UBE2E3: variants seen among roughly 807,000 people sequenced by gnomAD.
The protein encoded by UBE2E3 is ubiquitin conjugating enzyme E2 E3, also known as ubiquitin-conjugating enzyme E2 E3.
UBE2E3 carries 5 observed loss-of-function variants against 23.6 expected under a neutral mutation model. The ratio of observed to expected loss-of-function variants is 0.21; its 90% CI spans 0.11 to 0.44. UBE2E3 has a LOEUF of 0.44. UBE2E3 is among the 20% of genes least tolerant of loss of function. The pLI is 0.99. For missense variants in UBE2E3, 81 were observed against 249.8 expected (o/e 0.32, Z 4.55); for synonymous variants, 78 against 87.5 (o/e 0.89, Z 0.60).
At chr2:181,035,615 C>CA (rs1042490464) in intron 3 of UBE2E3, among the ~76,000 whole-genome samples, 56 of 152,280 alleles carry the variant, frequency 3.7e-4, no homozygotes, top group African/African-American at 1.2e-3. Flanking sequence ...CCGTGGGTCA[C>CA]ATGCGTCCCA....
intron 3 of UBE2E3, among the ~76,000 whole-genome samples, chr2:181,017,576 C>T (rs1477618749): frequency 1.3e-5 from 2 of 151,574 alleles, no homozygotes; most frequent in Non-Finnish European, 2.9e-5. Flanking sequence ...ATATGCATAC[C>T]ATCCTTTTGG....
intron 5 of UBE2E3, among the ~76,000 whole-genome samples, chr2:181,061,758 T>G (rs1388758532): frequency 1.4e-5 from 2 of 146,326 alleles, no homozygotes; most frequent in East Asian, 4.2e-4. Flanking sequence ...TTCACACATT[T>G]TGTTTCGTTA....
chr2:181,052,947 T>C (rs904516701), intron 3 of UBE2E3, among the ~76,000 whole-genome samples: 3 of 151,860 alleles, frequency 2.0e-5, no homozygotes, highest in Admixed American at 6.6e-5. Flanking sequence ...GGGCTTTCCA[T>C]GTGCCTCTCT....
chr2:181,034,704 A>T (rs1223198046), intron 3 of UBE2E3, among the ~76,000 whole-genome samples: 2 of 150,662 alleles, frequency 1.3e-5, no homozygotes, highest in Non-Finnish European at 3.0e-5. Context: ...AATTTCCTGG[A>T]ACTAGCATGT....
chr2:181,022,175 GAGTC>G (rs145583473), intron 3 of UBE2E3, among the ~76,000 whole-genome samples: 103 of 152,284 alleles, frequency 6.8e-4, no homozygotes, highest in African/African-American at 2.1e-3. Context: ...ATAAGTTTAG[GAGTC>G]AGACTGCCAT....
At chr2:181,036,290 G>A (rs1037426934) in intron 3 of UBE2E3, among the ~76,000 whole-genome samples, 1 of 152,194 alleles carries the variant, frequency 6.6e-6, no homozygotes, top group African/African-American at 2.4e-5. Flanking sequence ...ATTTTCAGCA[G>A]AAATGCCAAG....
intron 3 of UBE2E3, among the ~76,000 whole-genome samples, chr2:181,022,888 T>C (rs1419205957): frequency 6.6e-6 from 1 of 151,968 alleles, no homozygotes; most frequent in African/African-American, 2.4e-5. Context: ...GATTTTTGGC[T>C]TACAAATACC....
At chr2:180,991,146 T>G (rs887941313) in intron 3 of UBE2E3, among the ~76,000 whole-genome samples, 4 of 96,264 alleles carry the variant, frequency 4.2e-5, no homozygotes, top group Non-Finnish European at 9.7e-5. Flanking sequence ...TAAAAAACCT[T>G]TGATTTTTTT....
At chr2:181,026,852 T>C (rs1243309032) in intron 3 of UBE2E3, among the ~76,000 whole-genome samples, 1 of 148,932 alleles carries the variant, frequency 6.7e-6, no homozygotes, top group Non-Finnish European at 1.5e-5. Flanking sequence ...GATATTCAGG[T>C]CCAACTTTGA....
At chr2:180,990,772 A>G (rs1684631341) in intron 3 of UBE2E3, among the ~76,000 whole-genome samples, 2 of 152,240 alleles carry the variant, frequency 1.3e-5, no homozygotes, top group South Asian at 2.1e-4. Flanking sequence ...TTGGACAGTC[A>G]TCAAAATTCA....
chr2:180,981,763 C>T (rs1487342802), intron 1 of UBE2E3, among the ~76,000 whole-genome samples: 1 of 152,196 alleles, frequency 6.6e-6, no homozygotes, highest in Non-Finnish European at 1.5e-5. Context: ...AGAAAGTAGA[C>T]AATTGATAGA....
intron 3 of UBE2E3, among the ~76,000 whole-genome samples, chr2:180,988,599 T>G (rs1684554952): frequency 6.6e-6 from 1 of 152,178 alleles, no homozygotes; most frequent in Non-Finnish European, 1.5e-5. Flanking sequence ...AGTTGTAAAA[T>G]TCACATTCTG....
chr2:181,048,899 A>G (rs1043815608), intron 3 of UBE2E3, among the ~76,000 whole-genome samples: 2 of 152,088 alleles, frequency 1.3e-5, no homozygotes, highest in African/African-American at 2.4e-5. Context: ...ATATAATTAA[A>G]TTTGTTCTGC....
intron 3 of UBE2E3, among the ~76,000 whole-genome samples, chr2:181,028,737 G>T (rs1240639177): frequency 6.6e-6 from 1 of 151,786 alleles, no homozygotes; most frequent in Non-Finnish European, 1.5e-5. Flanking sequence ...CCCCAATTTT[G>T]TTTTATTAGG....
intron 3 of UBE2E3, among the ~76,000 whole-genome samples, chr2:181,034,187 A>G (rs768377057): frequency 6.6e-6 from 1 of 152,246 alleles, no homozygotes; most frequent in Non-Finnish European, 1.5e-5. Flanking sequence ...GTATATACCC[A>G]AAGGATTATA....
At chr2:181,001,185 C>T (rs1048897718) in intron 3 of UBE2E3, among the ~76,000 whole-genome samples, 1 of 152,142 alleles carries the variant, frequency 6.6e-6, no homozygotes, top group African/African-American at 2.4e-5. Flanking sequence ...TTCTGTACTC[C>T]AGAGTTCCTT....
At chr2:181,060,599 T>C in intron 4 of UBE2E3, 66 bp from the exon 5 acceptor site, 1 of 1,397,912 alleles carries the variant, frequency 7.2e-7, no homozygotes, top group Non-Finnish European at 9.6e-7. Context: ...CCTTCATTTT[T>C]TTTTAGTGTT....
At chr2:181,041,128 G>T (rs764748848) in intron 3 of UBE2E3, among the ~76,000 whole-genome samples, 3 of 148,864 alleles carry the variant, frequency 2.0e-5, no homozygotes, top group Non-Finnish European at 4.4e-5. Context: ...CGTGCCTGTA[G>T]TCCCAGCTAC....
intron 3 of UBE2E3, 92 bp downstream of exon 3, chr2:180,984,185 C>G (rs1684385894): frequency 9.0e-7 from 1 of 1,105,668 alleles, no homozygotes. Context: ...GCAGAGGAGA[C>G]AACATTTGCT....
Sources: gnomAD v4.1 joint callset for allele counts (sites outside exome capture counted in the v4.1 genomes callset) on GRCh38, gnomAD v4.1.1 for gene constraint, MANE v1.5 for transcripts, NCBI Gene and HGNC (gene_info 2026-07-23, HGNC 2026-07-21) for gene names.